Variants in TMTC4 observed in about 807,000 individuals in gnomAD.
The protein encoded by TMTC4 is protein O-mannosyl-transferase TMTC4.
TMTC4 carries 65 observed loss-of-function variants against 86.0 expected under a neutral mutation model. That is an observed-to-expected ratio of 0.76 (90% confidence interval 0.62 to 0.93). The LOEUF (loss-of-function observed/expected upper bound fraction) is 0.93. Ranked by LOEUF, TMTC4 falls within the 40% of genes least tolerant of loss-of-function variation. TMTC4 has a pLI of 0.00. For synonymous variants in TMTC4, 379 were observed against 382.5 expected (o/e 0.99, Z 0.11); for missense variants, 866 against 948.1 (o/e 0.91, Z 1.14).
At position 100,605,262 on chromosome 13, in the gene TMTC4, A is replaced by G. The variant is rs937494446; in HGVS notation, c.2135-120T>C. 33 of 1,156,768 alleles carry G rather than the reference A, an allele frequency of 2.9e-5. No homozygotes were observed. The highest frequency in any genetic ancestry group is 4.7e-5 in the South Asian group (3 of 63,716). The allele number at this position is 1,156,768 out of a possible 1,614,324, so 71.7% of individuals were successfully genotyped here. The stretch of plus-strand genomic sequence containing the variant: ...CAAACAGTTTTCAAAAGTCAATTGT[A>G]TGAAACAATATTGTTTGTACTGAAA... On this transcript the variant is annotated intron_variant, in intron 18 of 18. Coordinates refer to ENST00000342624, the MANE Select transcript of TMTC4 (RefSeq NM_032813.5). The surrounding 1 kb of genome is among the most constrained non-coding windows in gnomAD (Gnocchi z 4.3).
At chr13:100,669,536 T>C (rs1886809124) in intron 2 of TMTC4, among the ~76,000 whole-genome samples, 1 of 152,178 alleles carries the variant, frequency 6.6e-6, no homozygotes, top group Non-Finnish European at 1.5e-5. Context: ...AAGATAAAAA[T>C]ATATCCTATT....
chr13:100,657,969 C>T (rs1440245213), intron 5 of TMTC4, among the ~76,000 whole-genome samples: 1 of 152,044 alleles, frequency 6.6e-6, no homozygotes, highest in Non-Finnish European at 1.5e-5. Flanking sequence ...GCTGATAAAT[C>T]CACCCAGTGA....
chr13:100,656,541 A>ATTTTT, intron 5 of TMTC4, 73 bp from the exon 6 acceptor site: 1 of 462,946 alleles, frequency 2.2e-6, no homozygotes, highest in South Asian at 3.4e-5. Flanking sequence ...AGGAGACATA[A>ATTTTT]CTTTTTTTTT....
At chr13:100,669,897 C>G (rs1886875716) in intron 2 of TMTC4, among the ~76,000 whole-genome samples, 1 of 152,182 alleles carries the variant, frequency 6.6e-6, no homozygotes. Context: ...CTTGACCTCT[C>G]TGGGCCTGTT....
chr13:100,674,190 C>T (rs1887519047), intron 1 of TMTC4: 1 of 982,550 alleles, frequency 1.0e-6, no homozygotes, highest in Admixed American at 6.2e-5. Flanking sequence ...GCCGGTGGCC[C>T]CGCGCTCGCG....
chr13:100,662,891 G>C, intron 5 of TMTC4, 73 bp downstream of exon 5: 1 of 1,543,576 alleles, frequency 6.5e-7, no homozygotes, highest in Non-Finnish European at 8.9e-7. Context: ...GCCTGTTTTA[G>C]GAAACCAGGC....
intron 17 of TMTC4, among the ~76,000 whole-genome samples, chr13:100,607,474 G>A (rs376273682): frequency 3.7e-4 from 56 of 150,792 alleles, no homozygotes; most frequent in African/African-American, 1.3e-3. Context: ...CCGAGACTGC[G>A]CCACTGCACT....
chr13:100,618,427 A>T (rs1398981023), intron 15 of TMTC4, among the ~76,000 whole-genome samples: 1 of 146,900 alleles, frequency 6.8e-6, no homozygotes, highest in Non-Finnish European at 1.5e-5. Context: ...TCTCAAGGGG[A>T]ATGCTTCCAG....
intron 4 of TMTC4, among the ~76,000 whole-genome samples, chr13:100,663,994 C>T (rs1886109458): frequency 1.3e-5 from 2 of 152,138 alleles, no homozygotes; most frequent in Admixed American, 6.5e-5. Context: ...GTCAAACCTC[C>T]AAGAACTGAG....
intron 16 of TMTC4, 28 bp downstream of exon 16, chr13:100,614,288 G>T (rs1341655361): frequency 1.3e-6 from 2 of 1,546,062 alleles, no homozygotes; most frequent in Non-Finnish European, 1.8e-6. Flanking sequence ...GCCATTTCCT[G>T]TGATTTGTTC....
chr13:100,632,049 A>ACTCT (rs1327207673), intron 12 of TMTC4, among the ~76,000 whole-genome samples: 9 of 77,292 alleles, frequency 1.2e-4, no homozygotes, highest in African/African-American at 3.8e-4. Context: ...ACACACACAC[A>ACTCT]CACACTCTCT....
At chr13:100,652,416 T>C (rs904491364) in intron 6 of TMTC4, among the ~76,000 whole-genome samples, 10 of 152,124 alleles carry the variant, frequency 6.6e-5, no homozygotes, top group African/African-American at 2.2e-4. Context: ...GAGGCAGAGG[T>C]TGCAGTGAGC....
At chr13:100,641,601 C>T (rs1205943735) in intron 7 of TMTC4, among the ~76,000 whole-genome samples, 1 of 152,184 alleles carries the variant, frequency 6.6e-6, no homozygotes, top group Non-Finnish European at 1.5e-5. Context: ...GATTCACCTG[C>T]CTCAACCTCC....
intron 3 of TMTC4, among the ~76,000 whole-genome samples, chr13:100,665,218 A>G (rs1390930664): frequency 6.6e-6 from 1 of 152,190 alleles, no homozygotes; most frequent in Non-Finnish European, 1.5e-5. Flanking sequence ...AGATGGCTTA[A>G]ATTGTGTCTA....
chr13:100,644,402 C>T (rs1460481626), intron 6 of TMTC4, among the ~76,000 whole-genome samples: 6 of 151,204 alleles, frequency 4.0e-5, no homozygotes, highest in Middle Eastern at 3.5e-3. Context: ...TGCGCCCGGC[C>T]GGGAGGCGCT....
At chr13:100,659,837 A>G (rs1401021733) in intron 5 of TMTC4, among the ~76,000 whole-genome samples, 2 of 149,242 alleles carry the variant, frequency 1.3e-5, no homozygotes, top group Non-Finnish European at 3.0e-5. Flanking sequence ...AGTCATCCCC[A>G]TTTGCCCGGC....
At chr13:100,661,565 C>T (rs1300781810) in intron 5 of TMTC4, among the ~76,000 whole-genome samples, 5 of 152,098 alleles carry the variant, frequency 3.3e-5, no homozygotes, top group East Asian at 3.9e-4. Context: ...GAACTCAGAT[C>T]GAAACAAAGT....
Position 100,604,773 on chromosome 13 carries a change from TTTGAG to T in TMTC4, c.*216_*220del, listed in dbSNP as rs1274169047. 2.9e-5 allele frequency: 13 copies of T among 440,962 alleles called. No individual in the cohort carries two copies. Among genetic ancestry groups the T allele is most frequent in the Non-Finnish European group, 4.9e-5 (13 of 267,008 alleles). The allele number at this position is 440,962 out of a possible 1,614,324, so 27.3% of individuals were successfully genotyped here. ...ACATTTTTGGAATTTTAGAATTACA[TTTGAG>T]TTGTCTGAAAAAATACAATTTCAAT... On this transcript the variant is annotated 3_prime_UTR_variant, in exon 19 of 19. Coordinates refer to ENST00000342624, the MANE Select transcript of TMTC4 (RefSeq NM_032813.5).
chr13:100,634,830 A>T lies in TMTC4; in HGVS notation c.1481T>A (p.Leu494Gln). 6.2e-7 allele frequency: 1 copy of T among 1,614,230 alleles called. No individual in the cohort carries two copies. The highest frequency in any genetic ancestry group is 8.5e-7 in the Non-Finnish European group (1 of 1,180,038). Residue 494 changes from leucine (L) to glutamine (Q), a missense_variant, in exon 12 of 19, where the codon CTG becomes CAG. Transcript: ENST00000342624. ...CTTAGCATTGAGGGGACACACAGAC[A>T]GAGCACTTCTGAAAAGCTGTTCCTC... ...RSEEQLFRSA[L>Q]SVCPLNAKVH...
Sources: allele counts gnomAD v4.1 joint callset (sites outside exome capture counted in the v4.1 genomes callset), GRCh38; gene constraint gnomAD v4.1.1; non-coding constraint Gnocchi (gnomAD v3.1); transcripts MANE v1.5; gene names NCBI Gene and HGNC (gene_info 2026-07-23, HGNC 2026-07-21).